The following WDR89 variants were observed in gnomAD, a reference collection of about 807,000 sequenced individuals.
WDR89 encodes WD repeat-containing protein 89.
In WDR89, 17 loss-of-function variants were observed where a neutral mutation model predicts 29.1. The ratio of observed to expected loss-of-function variants is 0.58; its 90% CI spans 0.40 to 0.88. The LOEUF (loss-of-function observed/expected upper bound fraction) is 0.88, where lower values mean the gene tolerates loss of function less well. Among genes scored for constraint, WDR89 ranks in the 40% least tolerant of loss-of-function variants. The pLI is 0.00. For synonymous variants in WDR89, 138 were observed against 157.8 expected (o/e 0.87, Z 0.94); for missense variants, 396 against 456.3 (o/e 0.87, Z 1.20).
At chr14:63,604,623 G>T (rs1026619222) in intron 2 of WDR89, among the ~76,000 whole-genome samples, 2 of 152,014 alleles carry the variant, frequency 1.3e-5, no homozygotes, top group African/African-American at 4.8e-5. Context: ...TAGAATAATG[G>T]CACCATATTT....
At position 63,615,097 on chromosome 14, in the gene WDR89, C is replaced by T. The variant is rs376753332; in HGVS notation, c.-32+9831G>A. Among the ~76,000 whole-genome samples the T allele has an allele frequency of 4.6e-5, 7 of 152,322 alleles. No homozygotes were observed. The South Asian group carries it at 1.4e-3, about 32-fold the overall frequency. On this transcript the variant is annotated intron_variant, in intron 2 of 2. Coordinates refer to ENST00000620954, the MANE Select transcript of WDR89 (RefSeq NM_080666.4). ...CTTTCTCATGCAGTGTGAGATTATGCTGCAGGTTCCAGATATAACATTCAA... is the reference window on the plus strand; with the variant it reads ...CTTTCTCATGCAGTGTGAGATTATGTTGCAGGTTCCAGATATAACATTCAA...
Position 63,597,682 on chromosome 14 carries a change from CTG to C in WDR89, c.*1095_*1096del, listed in dbSNP as rs1426271155. ...TAATTTTTTTATTCACTAGATAGCA[CTG>C]TCTTATATTTTAAAGATTCTGAAAA... On this transcript the variant is annotated 3_prime_UTR_variant, in exon 3 of 3. Transcript: ENST00000620954. 1.3e-5 allele frequency: 2 copies of C among 152,118 alleles called. No homozygotes were observed. The highest frequency in any genetic ancestry group is 1.9e-4 in the East Asian group (1 of 5,202). 9.4% of individuals were successfully genotyped at this position (152,118 alleles called of 1,614,324 possible).
chr14:63,634,981 G>C (rs1394939451), intron 1 of WDR89, among the ~76,000 whole-genome samples: 1 of 150,802 alleles, frequency 6.6e-6, no homozygotes, highest in South Asian at 2.1e-4. Context: ...AGGTTGCAGT[G>C]AGCTGAGATT....
At chr14:63,605,008 G>A (rs1158269096) in intron 2 of WDR89, among the ~76,000 whole-genome samples, 1 of 152,044 alleles carries the variant, frequency 6.6e-6, no homozygotes, top group Non-Finnish European at 1.5e-5. Flanking sequence ...AAATTAGCCA[G>A]GCATGGTGGT....
chr14:63,627,767 C>T (rs1484163605), intron 1 of WDR89, among the ~76,000 whole-genome samples: 1 of 151,724 alleles, frequency 6.6e-6, no homozygotes, highest in Non-Finnish European at 1.5e-5. Context: ...AAGTGAGTAT[C>T]ACTGAATTAA....
At chr14:63,607,521 C>A (rs1255306423) in intron 2 of WDR89, among the ~76,000 whole-genome samples, 2 of 152,090 alleles carry the variant, frequency 1.3e-5, no homozygotes, top group Non-Finnish European at 2.9e-5. Context: ...TTATCCAGCA[C>A]AATTATATTC....
intron 1 of WDR89, among the ~76,000 whole-genome samples, chr14:63,626,003 A>G (rs890293051): frequency 6.6e-6 from 1 of 151,824 alleles, no homozygotes. Flanking sequence ...ACAGGCATGC[A>G]CTGCCACACC....
At chr14:63,609,123 C>CA (rs1881792339) in intron 2 of WDR89, among the ~76,000 whole-genome samples, 1 of 147,876 alleles carries the variant, frequency 6.8e-6, no homozygotes, top group African/African-American at 2.6e-5. Flanking sequence ...AAAAAAAAAC[C>CA]CAAAAAAACA....
rs146853489 is a variant in WDR89, at chr14:63,615,802, T to C, written c.-32+9126A>G. On this transcript the variant is annotated intron_variant, in intron 2 of 2. Transcript: ENST00000620954. ...AGCCAGGTGTGGTAGTGTGTGTCTGTACTCCCAGCTACTCAGGCGGCTGAG... is the reference window on the plus strand; with the variant it reads ...AGCCAGGTGTGGTAGTGTGTGTCTGCACTCCCAGCTACTCAGGCGGCTGAG... Among the ~76,000 whole-genome samples the C allele has an allele frequency of 6.3e-3, 955 of 152,114 alleles. 11 individuals are homozygous for C. Among genetic ancestry groups the C allele is most frequent in the African/African-American group, 0.022 (907 of 41,494 alleles).
At chr14:63,628,224 G>A (rs1883192255) in intron 1 of WDR89, among the ~76,000 whole-genome samples, 1 of 152,148 alleles carries the variant, frequency 6.6e-6, no homozygotes, top group Non-Finnish European at 1.5e-5. Context: ...AGGCAACAGA[G>A]CAAGACCTTG....
chr14:63,600,684 C>A (rs550756001), intron 2 of WDR89, among the ~76,000 whole-genome samples: 46 of 108,768 alleles, frequency 4.2e-4, no homozygotes, highest in African/African-American at 1.4e-3. Context: ...AGCTGCCTTA[C>A]ACAACTTTAG....
At chr14:63,621,636 A>G (rs1882701801) in intron 2 of WDR89, 1 of 152,236 alleles carries the variant, frequency 6.6e-6, no homozygotes, top group South Asian at 2.1e-4. Context: ...ATCAAAAACT[A>G]TGCAAGCCAG....
chr14:63,605,181 TA>T (rs1566790501), intron 2 of WDR89, among the ~76,000 whole-genome samples: 3 of 131,590 alleles, frequency 2.3e-5, no homozygotes, highest in Admixed American at 7.4e-5. Flanking sequence ...TATATATATA[TA>T]CACACACACA....
At chr14:63,629,417 A>G (rs905614029) in intron 1 of WDR89, among the ~76,000 whole-genome samples, 3 of 152,208 alleles carry the variant, frequency 2.0e-5, no homozygotes, top group South Asian at 2.1e-4. Flanking sequence ...TTACTTCATT[A>G]GTTTCTCTCT....
At chr14:63,639,336 A>AT (rs989709934) in intron 1 of WDR89, among the ~76,000 whole-genome samples, 3 of 148,686 alleles carry the variant, frequency 2.0e-5, no homozygotes, top group Non-Finnish European at 3.0e-5. Flanking sequence ...CCTGGGCAAC[A>AT]TAGCGAGACC....
intron 2 of WDR89, among the ~76,000 whole-genome samples, chr14:63,613,667 A>G (rs1437074019): frequency 2.6e-5 from 4 of 151,288 alleles, no homozygotes; most frequent in Non-Finnish European, 4.4e-5. Flanking sequence ...CATCCCAGCT[A>G]ATTTTTGTAT....
chr14:63,623,520 G>A (rs1390906211), intron 2 of WDR89, among the ~76,000 whole-genome samples: 5 of 151,344 alleles, frequency 3.3e-5, no homozygotes, highest in South Asian at 2.1e-4. Context: ...CCTGGCCAAC[G>A]TGGTGAAACC....
intron 2 of WDR89, among the ~76,000 whole-genome samples, chr14:63,609,528 C>T (rs1881814140): frequency 6.6e-6 from 1 of 152,182 alleles, no homozygotes; most frequent in Non-Finnish European, 1.5e-5. Context: ...GTAGTTCACG[C>T]CTGTAATCCC....
chr14:63,605,028 T>C (rs1048180943), intron 2 of WDR89, among the ~76,000 whole-genome samples: 2 of 152,064 alleles, frequency 1.3e-5, no homozygotes, highest in African/African-American at 4.8e-5. Flanking sequence ...TGCACGCCTA[T>C]AGTCCCATCT....
Sources: allele counts gnomAD v4.1 joint callset (sites outside exome capture counted in the v4.1 genomes callset), GRCh38; gene constraint gnomAD v4.1.1; transcripts MANE v1.5; gene names NCBI Gene and HGNC (gene_info 2026-07-23, HGNC 2026-07-21).